Variants in EPS8 observed in about 807,000 individuals in gnomAD.
The protein encoded by EPS8 is epidermal growth factor receptor kinase substrate 8.
A neutral mutation model predicts 103.8 loss-of-function variants in EPS8; 42 were observed. The observed-to-expected ratio is 0.40, with a 90% CI of 0.32 to 0.52. The LOEUF is 0.52. EPS8 is among the 20% of genes least tolerant of loss of function. The pLI is 0.40. For missense variants in EPS8, 969 were observed against 1,005.1 expected, an observed-to-expected ratio of 0.96 and a Z score of 0.49; for synonymous variants, 344 against 344.6, an observed-to-expected ratio of 1.00 and a Z score of 0.02.
chr12:15,640,868 A>G, intron 16 of EPS8, 22 bp from the exon 17 acceptor site: 1 of 1,609,034 alleles, frequency 6.2e-7, no homozygotes, highest in Non-Finnish European at 8.5e-7. Flanking sequence ...AAGAAAATAA[A>G]GGTATAATTT....
chr12:15,764,395 A>G lies in EPS8; in HGVS notation c.-22+24766T>C, dbSNP rs562906154. 3.0e-4 allele frequency among the ~76,000 whole-genome samples: 45 copies of G among 152,254 alleles called. No individual in the cohort carries two copies. Among genetic ancestry groups the G allele is most frequent in the Non-Finnish European group, 5.9e-4 (40 of 68,046 alleles). ...AGAAGGAGCTGAATGACAAGTCAAGAGACAATCTGTTCAAGTCCACAAGGT... is the reference window on the plus strand; with the variant it reads ...AGAAGGAGCTGAATGACAAGTCAAGGGACAATCTGTTCAAGTCCACAAGGT... On this transcript the variant is annotated intron_variant, in intron 1 of 20. Coordinates refer to ENST00000281172, the MANE Select transcript of EPS8 (RefSeq NM_004447.6). This position sits in a 1 kb window ranked among gnomAD's most constrained non-coding sequence, Gnocchi z 4.1.
intron 1 of EPS8, among the ~76,000 whole-genome samples, chr12:15,746,827 A>G (rs1385922001): frequency 6.6e-6 from 1 of 152,088 alleles, no homozygotes; most frequent in African/African-American, 2.4e-5. Flanking sequence ...AATCAAACTC[A>G]TCTACAAGCA....
Position 15,669,455 on chromosome 12 carries a change from C to G in EPS8, c.448G>C (p.Ala150Pro), listed in dbSNP as rs1264367283. Residue 150 changes from alanine (A) to proline (P), a missense_variant, in exon 6 of 21, where the codon GCA becomes CCA. Physicochemically the swap from Ala to Pro is conservative, Grantham distance 27. Coordinates refer to ENST00000281172, the MANE Select transcript of EPS8 (RefSeq NM_004447.6). Reference protein sequence around the residue: ...MHSCSYDSVLALVCKEPTQNK... With the variant: ...MHSCSYDSVLPLVCKEPTQNK... The stretch of plus-strand genomic sequence containing the variant: ...TGGGTTGGCTCTTTGCACACCAGTG[C>G]AAGAACTGAATCATAGCTGCATGAA... 1.2e-6 allele frequency: 2 copies of G among 1,614,020 alleles called. No individual in the cohort carries two copies. The highest frequency in any genetic ancestry group is 1.7e-6 in the Non-Finnish European group (2 of 1,179,944).
chr12:15,668,070 A>C (rs1286833504), intron 6 of EPS8, among the ~76,000 whole-genome samples: 2 of 152,164 alleles, frequency 1.3e-5, no homozygotes, highest in African/African-American at 4.8e-5. Context: ...ATTAAATTTC[A>C]CTATATTTTT....
rs1946712182 is a variant in EPS8, at chr12:15,731,208, G to T, written c.-21-48236C>A. Among the ~76,000 whole-genome samples the T allele has an allele frequency of 6.6e-6, 1 of 152,100 alleles. No homozygotes were observed. ...AAATCCTCTAAACAGAATTCCTGTAGCCTTGGAAATGTTTATTCTCTTTTC... is the reference window on the plus strand; with the variant it reads ...AAATCCTCTAAACAGAATTCCTGTATCCTTGGAAATGTTTATTCTCTTTTC... On this transcript the variant is annotated intron_variant, in intron 1 of 20. Coordinates refer to ENST00000281172, the MANE Select transcript of EPS8 (RefSeq NM_004447.6). This position sits in a 1 kb window ranked among gnomAD's most constrained non-coding sequence, Gnocchi z 5.1.
chr12:15,663,948 A>AAAAT (rs1945658496), intron 8 of EPS8, among the ~76,000 whole-genome samples: 1 of 49,412 alleles, frequency 2.0e-5, no homozygotes, highest in African/African-American at 5.9e-5. Context: ...AAAAAAAAAT[A>AAAAT]ATATATATAT....
chr12:15,667,771 A>G (rs1460852698), intron 6 of EPS8, among the ~76,000 whole-genome samples: 1 of 152,212 alleles, frequency 6.6e-6, no homozygotes, highest in Non-Finnish European at 1.5e-5. Flanking sequence ...CAAGCGAAAA[A>G]TGTCTCATAT....
At chr12:15,675,999 G>GTGGT (rs1387809427) in intron 3 of EPS8, among the ~76,000 whole-genome samples, 7 of 152,086 alleles carry the variant, frequency 4.6e-5, no homozygotes, top group Admixed American at 3.3e-4. Context: ...TCGGCTGGGC[G>GTGGT]TGGTGGCTCA....
rs2135921346 is a variant in EPS8 at position 15,693,758 on chromosome 12, TG to T, written c.-21-10787del. 6.6e-6 allele frequency among the ~76,000 whole-genome samples: 1 copy of T among 152,330 alleles called. No individual in the cohort carries two copies. The highest frequency in any genetic ancestry group is 2.4e-5 in the African/African-American group (1 of 41,580). On this transcript the variant is annotated intron_variant, in intron 1 of 20. Transcript: ENST00000281172. The surrounding 1 kb of genome is among the most constrained non-coding windows in gnomAD (Gnocchi z 5.6). The stretch of plus-strand genomic sequence containing the variant: ...TCCTTTGCAGGGACGTGGATGAAGC[TG>T]GAAGCCATCATCCTCAGGAAACTAA...
At chr12:15,635,798 T>C (rs1278463685) in intron 17 of EPS8, among the ~76,000 whole-genome samples, 1 of 152,066 alleles carries the variant, frequency 6.6e-6, no homozygotes, top group Non-Finnish European at 1.5e-5. Flanking sequence ...CACCTACCAA[T>C]ACCTAGATTG....
chr12:15,648,330 G>C (rs958868898), intron 14 of EPS8, among the ~76,000 whole-genome samples: 1 of 152,158 alleles, frequency 6.6e-6, no homozygotes, highest in Admixed American at 6.5e-5. Context: ...TTTCATTATG[G>C]ATTTTGTATA....
chr12:15,660,277 C>CTT (rs758054887), intron 10 of EPS8, among the ~76,000 whole-genome samples: 63 of 141,252 alleles, frequency 4.5e-4, no homozygotes, highest in African/African-American at 1.6e-3. Context: ...TACCAGAGTT[C>CTT]TTTTTTTTTT....
At chr12:15,667,855 T>C (rs1032765702) in intron 6 of EPS8, among the ~76,000 whole-genome samples, 9 of 152,184 alleles carry the variant, frequency 5.9e-5, no homozygotes, top group Admixed American at 5.2e-4. Flanking sequence ...AGGACAAAAC[T>C]ATATTCAGTA....
At position 15,640,762 on chromosome 12, in the gene EPS8, C is replaced by A; in HGVS notation, c.1762G>T (p.Val588Leu). Residue 588 changes from valine (V) to leucine (L), a missense_variant, in exon 17 of 21, where the codon GTG becomes TTG. By Grantham distance (32) the Val-to-Leu change is conservative (BLOSUM62 1). Transcript: ENST00000281172. ...GFVPNNILDI[V>L]RPPESGLGRA... ...CCCAATCCAGATTCTGGAGGTCTCACAATATCCAAAATGTTATTTGGCACA... is the reference window on the plus strand; with the variant it reads ...CCCAATCCAGATTCTGGAGGTCTCAAAATATCCAAAATGTTATTTGGCACA... 3 of 1,613,972 alleles carry A rather than the reference C, an allele frequency of 1.9e-6. No homozygotes were observed. The highest frequency in any genetic ancestry group is 2.5e-6 in the Non-Finnish European group (3 of 1,179,852).
Position 15,628,131 on chromosome 12 carries a change from A to T in EPS8, c.2044+3311T>A, listed in dbSNP as rs187707932. Among the ~76,000 whole-genome samples the T allele has an allele frequency of 2.1e-3, 314 of 152,078 alleles. 3 individuals are homozygous for T. The highest frequency in any genetic ancestry group is 3.4e-3 in the Middle Eastern group (1 of 294). ...AGGAGTAGGGGGTGCTAGAGAGAGT[A>T]AGAGAGAATACTATTGATTGTTACA... On this transcript the variant is annotated intron_variant, in intron 18 of 20. Coordinates refer to ENST00000281172, the MANE Select transcript of EPS8 (RefSeq NM_004447.6).
Position 15,646,530 on chromosome 12 carries a change from C to A in EPS8, c.1568+597G>T, listed in dbSNP as rs188419591. On this transcript the variant is annotated intron_variant, in intron 15 of 20. Transcript: ENST00000281172. ...GAAATTAAAAAAAAAGAACTTATTCCAGTTCCTTTATTTCTTCTCATCCCA... is the reference window on the plus strand; with the variant it reads ...GAAATTAAAAAAAAAGAACTTATTCAAGTTCCTTTATTTCTTCTCATCCCA... Among the ~76,000 whole-genome samples, 13 of 152,134 alleles carry A rather than the reference C, an allele frequency of 8.5e-5. No homozygotes were observed. In the East Asian group the frequency reaches 1.9e-3, roughly 23 times the overall value.
intron 1 of EPS8, among the ~76,000 whole-genome samples, chr12:15,744,572 T>G (rs981130162): frequency 2.0e-5 from 3 of 152,180 alleles, no homozygotes; most frequent in Non-Finnish European, 2.9e-5. Context: ...TATTTAATAA[T>G]TTGATTCTTA....
chr12:15,711,410 G>A (rs139571307), intron 1 of EPS8, among the ~76,000 whole-genome samples: 1 of 152,092 alleles, frequency 6.6e-6, no homozygotes, highest in Non-Finnish European at 1.5e-5. Context: ...TATACAATTT[G>A]CTTAAGTTAA....
chr12:15,715,570 G>A (rs554404144), intron 1 of EPS8, among the ~76,000 whole-genome samples: 2 of 151,778 alleles, frequency 1.3e-5, no homozygotes, highest in East Asian at 3.9e-4. Flanking sequence ...GTTTTTAATA[G>A]AGATGGGGTT....
Sources: gnomAD v4.1 joint callset for allele counts (sites outside exome capture counted in the v4.1 genomes callset) on GRCh38, gnomAD v4.1.1 for gene constraint, Gnocchi (gnomAD v3.1) non-coding constraint, MANE v1.5 for transcripts, NCBI Gene and HGNC (gene_info 2026-07-23, HGNC 2026-07-21) for gene names.